DLG5: variants seen among roughly 807,000 people sequenced by gnomAD.
The protein encoded by DLG5 is disks large homolog 5.
DLG5 carries 48 observed loss-of-function variants against 189.8 expected under a neutral mutation model. The observed-to-expected ratio is 0.25, with a 90% CI of 0.20 to 0.32. The LOEUF (loss-of-function observed/expected upper bound fraction) is 0.32, where lower values mean the gene tolerates loss of function less well. Among genes scored for constraint, DLG5 ranks in the 10% least tolerant of loss-of-function variants. The probability of loss-of-function intolerance (pLI) is 1.00; values close to 1 mark genes in which losing one functional copy is unlikely to be tolerated. For missense variants in DLG5, 2,160 were observed against 2,544.7 expected (o/e 0.85, Z 3.25); for synonymous variants, 1,016 against 1,054.1 (o/e 0.96, Z 0.70).
chr10:77,890,047 C>G (rs1845560438), intron 1 of DLG5, among the ~76,000 whole-genome samples: 1 of 151,932 alleles, frequency 6.6e-6, no homozygotes, highest in Non-Finnish European at 1.5e-5. Context: ...AAAGCCACAA[C>G]AAATGTGGAA....
chr10:77,898,774 G>A (rs76219386), intron 1 of DLG5, among the ~76,000 whole-genome samples: 2,777 of 152,334 alleles, frequency 0.018, 87 homozygotes, highest in African/African-American at 0.063. Context: ...GGGCCAGGCA[G>A]GCGGTAAGGA....
chr10:77,826,991 C>G (rs1842669037), intron 13 of DLG5, among the ~76,000 whole-genome samples: 1 of 152,092 alleles, frequency 6.6e-6, no homozygotes, highest in Non-Finnish European at 1.5e-5. Flanking sequence ...AGATGAGCAA[C>G]TGAGTATATT....
At chr10:77,826,920 C>T (rs1337968222) in intron 13 of DLG5, among the ~76,000 whole-genome samples, 1 of 152,136 alleles carries the variant, frequency 6.6e-6, no homozygotes, top group Non-Finnish European at 1.5e-5. Flanking sequence ...TGTACTCCAG[C>T]CTGGGCAACA....
chr10:77,816,915 C>G (rs1200583113), intron 19 of DLG5, 92 bp downstream of exon 19: 2 of 1,466,542 alleles, frequency 1.4e-6, no homozygotes, highest in Non-Finnish European at 1.9e-6. Context: ...ACTGAGATGA[C>G]TATGAAGTTC....
rs763238315 is a variant in DLG5, at chr10:77,854,213, C to T, written c.680+14G>A. 3.1e-6 allele frequency: 5 copies of T among 1,612,936 alleles called. No homozygotes were observed. The highest frequency in any genetic ancestry group is 4.2e-6 in the Non-Finnish European group (5 of 1,179,622). On this transcript the variant is annotated intron_variant, in intron 4 of 31. Coordinates refer to ENST00000372391, the MANE Select transcript of DLG5 (RefSeq NM_004747.4). ...GTGGGTGTTGGAGGCCCTGGCCAAG[C>T]AGGCCTCACTCACTGGTAGAAGTCA...
At chr10:77,911,422 A>C (rs576177903) in intron 1 of DLG5, among the ~76,000 whole-genome samples, 5 of 152,326 alleles carry the variant, frequency 3.3e-5, no homozygotes, top group East Asian at 1.9e-4. Flanking sequence ...GCCAGAATTA[A>C]AGTATTTTAA....
intron 8 of DLG5, among the ~76,000 whole-genome samples, chr10:77,835,464 G>T (rs1843079395): frequency 6.6e-6 from 1 of 152,178 alleles, no homozygotes. Context: ...AAATAAAAGA[G>T]GTCGGCCTCG....
chr10:77,917,293 G>C (rs1201614910), intron 1 of DLG5, among the ~76,000 whole-genome samples: 1 of 151,986 alleles, frequency 6.6e-6, no homozygotes, highest in Non-Finnish European at 1.5e-5. Flanking sequence ...AGTGAGCCGA[G>C]ATCGCGCCAC....
At chr10:77,824,602 T>C (rs1460859958) in intron 13 of DLG5, 126 bp from the exon 14 acceptor site, 4 of 710,382 alleles carry the variant, frequency 5.6e-6, no homozygotes, top group East Asian at 2.7e-5. Context: ...AAGTCAGGAG[T>C]TGGCAAAGGA....
rs190110144 is a variant in DLG5 at position 77,791,572 on chromosome 10, C to T, written c.*868G>A. On this transcript the variant is annotated 3_prime_UTR_variant, in exon 32 of 32. Coordinates refer to ENST00000372391, the MANE Select transcript of DLG5 (RefSeq NM_004747.4). ...ACCCTCTAAAAAGTTTAAGAATTAC[C>T]CTGCAAACATTGCACTGATGAAGGC... is the stretch of plus-strand genomic sequence containing the variant. The T allele has an allele frequency of 6.6e-6, 1 of 152,286 alleles. No homozygotes were observed. Among genetic ancestry groups the T allele is most frequent in the Non-Finnish European group, 1.5e-5 (1 of 68,034 alleles). The allele number at this position is 152,286 out of a possible 1,614,324, so 9.4% of individuals were successfully genotyped here.
chr10:77,828,258 G>A (rs953832748), intron 13 of DLG5, among the ~76,000 whole-genome samples: 1 of 152,002 alleles, frequency 6.6e-6, no homozygotes, highest in African/African-American at 2.4e-5. Flanking sequence ...AGCCAAGGCG[G>A]GCAGATCACC....
rs553763178 is a variant in DLG5 at position 77,828,816 on chromosome 10, T to C, written c.2289+66A>G. Reference sequence around the variant, plus strand: ...AAAAACTTTGCTCATTACTTCTTGCTCAAACCTCCCAAATGTAATCTGCCT... The same window carrying C: ...AAAAACTTTGCTCATTACTTCTTGCCCAAACCTCCCAAATGTAATCTGCCT... On this transcript the variant is annotated intron_variant, in intron 13 of 31. Transcript: ENST00000372391. The C allele has an allele frequency of 1.5e-5, 24 of 1,553,574 alleles. No homozygotes were observed. The East Asian group carries it at 5.2e-4, about 33-fold the overall frequency.
chr10:77,863,011 T>C (rs1001301317), intron 2 of DLG5, among the ~76,000 whole-genome samples: 2 of 152,222 alleles, frequency 1.3e-5, no homozygotes, highest in African/African-American at 4.8e-5. Context: ...GCATGACTAT[T>C]TGTCAAAACT....
intron 1 of DLG5, among the ~76,000 whole-genome samples, chr10:77,887,572 A>C (rs985151728): frequency 2.0e-5 from 3 of 152,214 alleles, no homozygotes; most frequent in African/African-American, 7.2e-5. Flanking sequence ...GTTTCTATTG[A>C]ATCTGTAGCC....
chr10:77,917,046 T>C (rs536039912), intron 1 of DLG5, among the ~76,000 whole-genome samples: 4 of 151,860 alleles, frequency 2.6e-5, no homozygotes, highest in East Asian at 1.9e-4. Context: ...TTGACTTCAC[T>C]TATAAAAGAT....
At chr10:77,884,028 AG>A (rs140151927) in intron 1 of DLG5, among the ~76,000 whole-genome samples, 6,691 of 152,246 alleles carry the variant, frequency 0.044, 205 homozygotes, top group Middle Eastern at 0.058. Flanking sequence ...GTGTATATAA[AG>A]TTCAGAATCT....
intron 24 of DLG5, 100 bp from the exon 25 acceptor site, chr10:77,808,044 T>C: frequency 1.4e-6 from 2 of 1,407,886 alleles, no homozygotes; most frequent in East Asian, 2.4e-5. Flanking sequence ...AAATTCAACA[T>C]CCCTCCTTAA....
At chr10:77,927,930 G>C (rs1460543209), upstream of DLG5, 1 of 152,276 alleles carries the variant, frequency 6.6e-6, no homozygotes, top group Admixed American at 6.5e-5. Flanking sequence ...ACGTTGGAAT[G>C]AGTGGATCTC....
intron 1 of DLG5, among the ~76,000 whole-genome samples, chr10:77,877,975 C>A (rs1050639266): frequency 6.6e-6 from 1 of 152,230 alleles, no homozygotes; most frequent in Non-Finnish European, 1.5e-5. Flanking sequence ...AGCCGGACAT[C>A]CCCCGGGGGC....
Sources: gnomAD v4.1 joint callset for allele counts (sites outside exome capture counted in the v4.1 genomes callset) on GRCh38, gnomAD v4.1.1 for gene constraint, MANE v1.5 for transcripts, NCBI Gene and HGNC (gene_info 2026-07-23, HGNC 2026-07-21) for gene names.